The following MGST1 variants were observed in gnomAD, a reference collection of about 807,000 sequenced individuals.
MGST1 encodes the protein glutathione S-transferase 12.
Under a neutral mutation model 8.9 loss-of-function variants are expected in MGST1, and 5 were observed. The observed-to-expected ratio is 0.56, with a 90% CI of 0.29 to 1.19. The LOEUF is 1.19. MGST1 is among the 50% of genes most tolerant of loss of function. The pLI is 0.08. For missense variants in MGST1, 182 were observed against 187.4 expected (o/e 0.97, Z 0.17); for synonymous variants, 54 against 67.8 (o/e 0.80, Z 1.00).
intron 1 of MGST1, chr12:16,402,012 A>G: frequency 6.2e-7 from 1 of 1,607,294 alleles, no homozygotes; most frequent in Non-Finnish European, 8.5e-7. Flanking sequence ...GTCTTTGCTG[A>G]ACACTCCAAT....
chr12:16,573,025 G>GT (rs1172954589), intron 4 of MGST1, among the ~76,000 whole-genome samples: 1 of 151,582 alleles, frequency 6.6e-6, no homozygotes, highest in Non-Finnish European at 1.5e-5. Context: ...AAATTTTCCT[G>GT]TTTTTATTAT....
At chr12:16,510,065 T>A (rs1006486969) in intron 4 of MGST1, among the ~76,000 whole-genome samples, 2 of 152,236 alleles carry the variant, frequency 1.3e-5, no homozygotes, top group East Asian at 3.9e-4. Flanking sequence ...CTTAGTAAAT[T>A]TTAGTTGTTA....
At chr12:16,573,185 G>A (rs1050147576) in intron 4 of MGST1, among the ~76,000 whole-genome samples, 75 of 151,714 alleles carry the variant, frequency 4.9e-4, no homozygotes, top group African/African-American at 1.7e-3. Context: ...TAAGTGCCCC[G>A]GACAAAAACC....
chr12:16,400,025 T>A, intron 1 of MGST1: 1 of 1,567,990 alleles, frequency 6.4e-7, no homozygotes, highest in Admixed American at 1.7e-5. Flanking sequence ...CCCAAGTCCC[T>A]AAAAGGCACT....
In MGST1 at chr12:16,362,818, G is replaced by A. The variant is rs952222747; in HGVS notation, c.222-977G>A. On this transcript the variant is annotated intron_variant, in intron 3 of 3. Transcript: ENST00000396210. The surrounding 1 kb of genome is among the most constrained non-coding windows in gnomAD (Gnocchi z 4.4). ...TTTAAAAAATTAGCCAGGCATGGTG[G>A]TGAGGCCTGTAGTCCCAGCTACTCA... is the stretch of plus-strand genomic sequence containing the variant. 4 of 152,122 alleles carry A rather than the reference G, an allele frequency of 2.6e-5. No individual in the cohort carries two copies. Among genetic ancestry groups the A allele is most frequent in the Non-Finnish European group, 5.9e-5 (4 of 68,108 alleles). 9.4% of individuals were successfully genotyped at this position (152,122 alleles called of 1,614,324 possible).
intron 1 of MGST1, among the ~76,000 whole-genome samples, chr12:16,411,937 A>G (rs568701635): frequency 2.6e-5 from 4 of 152,278 alleles, no homozygotes; most frequent in Non-Finnish European, 5.9e-5. Context: ...GTCAAATGAA[A>G]TTAATAATAA....
rs11056944 is a variant in MGST1, at chr12:16,444,318, C to T, written n.482+60714C>T. On this transcript the variant is annotated intron_variant and non_coding_transcript_variant, in intron 4 of 4. Coordinates refer to the MGST1 transcript ENST00000538857. ...ATATATCCACACACATGCCTTTACT[C>T]CAGACTACTTTGTCTCTGATCTTCC... 9.5e-3 allele frequency among the ~76,000 whole-genome samples: 1,434 copies of T among 151,180 alleles called. 84 individuals are homozygous for T. In the East Asian group the frequency reaches 0.17, roughly 18 times the overall value.
At position 16,363,869 on chromosome 12, in the gene MGST1, A is replaced by G; in HGVS notation, c.296A>G (p.Asp99Gly). 1 of 1,613,786 alleles carries G rather than the reference A, an allele frequency of 6.2e-7. No homozygotes were observed. Among genetic ancestry groups the G allele is most frequent in the East Asian group, 2.2e-5 (1 of 44,868 alleles). The change falls in exon 4 of 4, where the codon GAC becomes GGC. Residue 99 changes from aspartate (D) to glycine (G), a missense_variant. Coordinates refer to ENST00000396210, the MANE Select transcript of MGST1 (RefSeq NM_020300.5). The surrounding 1 kb of genome is among the most constrained non-coding windows in gnomAD (Gnocchi z 4.6). ...CTCCTGTATTCCTTGAGTGGTCCCG[A>G]CCCCTCTACAGCCATCCTGCACTTC... ...IGLLYSLSGPDPSTAILHFRL... is the reference protein window; with the variant it reads ...IGLLYSLSGPGPSTAILHFRL...
chr12:16,520,231 C>T (rs1475607236), intron 4 of MGST1, among the ~76,000 whole-genome samples: 1 of 151,834 alleles, frequency 6.6e-6, no homozygotes, highest in Non-Finnish European at 1.5e-5. Flanking sequence ...CCATGTGACA[C>T]ATAAGAAATT....
chr12:16,524,170 TA>T (rs1941666845), intron 4 of MGST1, among the ~76,000 whole-genome samples: 1 of 152,042 alleles, frequency 6.6e-6, no homozygotes, highest in Admixed American at 6.6e-5. Flanking sequence ...GTCAGCATTT[TA>T]AAAAATGAGG....
rs1470223855 is a variant in MGST1, at chr12:16,503,948, GTATGCTGCTGCCC to G, written n.483-85568_483-85556del. 1.3e-5 allele frequency among the ~76,000 whole-genome samples: 2 copies of G among 152,208 alleles called. No homozygotes were observed. The highest frequency in any genetic ancestry group is 4.8e-5 in the African/African-American group (2 of 41,464). On this transcript the variant is annotated intron_variant and non_coding_transcript_variant, in intron 4 of 4. Transcript: ENST00000538857. The surrounding 1 kb of genome is among the most constrained non-coding windows in gnomAD (Gnocchi z 4.8). ...AAGGCACAGTACCTCCGGTGCTGCTGTATGCTGCTGCCCTATGCTGCTGCTTCGATAAAAGGTG... is the reference window on the plus strand; with the variant it reads ...AAGGCACAGTACCTCCGGTGCTGCTGTATGCTGCTGCTTCGATAAAAGGTG...
chr12:16,461,929 C>G (rs1413906611), intron 4 of MGST1, among the ~76,000 whole-genome samples: 1 of 152,024 alleles, frequency 6.6e-6, no homozygotes. Context: ...AATAGCTATT[C>G]CTAACAATAA....
rs1418454056 is a variant in MGST1, at chr12:16,500,825, G to T, written n.483-88703G>T. 6.6e-6 allele frequency among the ~76,000 whole-genome samples: 1 copy of T among 152,184 alleles called. No homozygotes were observed. The highest frequency in any genetic ancestry group is 6.5e-5 in the Admixed American group (1 of 15,278). ...TTGTTCAATGAAAATGTACTTAGAGGTTGGGCGTGGTGGCTCACGCCTGTA... is the reference window on the plus strand; with the variant it reads ...TTGTTCAATGAAAATGTACTTAGAGTTTGGGCGTGGTGGCTCACGCCTGTA... On this transcript the variant is annotated intron_variant and non_coding_transcript_variant, in intron 4 of 4. Transcript: ENST00000538857. This position sits in a 1 kb window ranked among gnomAD's most constrained non-coding sequence, Gnocchi z 4.3.
At chr12:16,360,343 C>T (rs1447105053) in intron 3 of MGST1, 2 of 985,094 alleles carry the variant, frequency 2.0e-6, no homozygotes, top group Non-Finnish European at 2.4e-6. Flanking sequence ...ACGGCAGAGC[C>T]AGAATGGGGC....
chr12:16,487,346 A>C (rs1181565802), intron 4 of MGST1, among the ~76,000 whole-genome samples: 1 of 152,224 alleles, frequency 6.6e-6, no homozygotes, highest in Non-Finnish European at 1.5e-5. Flanking sequence ...TCTACAAAAT[A>C]TTCTGGGAAG....
chr12:16,420,440 G>A (rs1237938307), intron 1 of MGST1, among the ~76,000 whole-genome samples: 1 of 152,152 alleles, frequency 6.6e-6, no homozygotes, highest in African/African-American at 2.4e-5. Context: ...TTTAAATATA[G>A]ATTAAAAAAA....
At chr12:16,429,124 A>G (rs1940918407) in intron 1 of MGST1, among the ~76,000 whole-genome samples, 2 of 152,038 alleles carry the variant, frequency 1.3e-5, no homozygotes, top group South Asian at 4.1e-4. Flanking sequence ...TTCTGAATTT[A>G]TTTATCTTAT....
At position 16,410,265 on chromosome 12, in the gene MGST1, A is replaced by T. The variant is rs1022632700; in HGVS notation, n.778+26661A>T. On this transcript the variant is annotated intron_variant and non_coding_transcript_variant, in intron 1 of 1. Coordinates refer to the MGST1 transcript ENST00000359720. The surrounding 1 kb of genome is among the most constrained non-coding windows in gnomAD (Gnocchi z 4.4). ...TGATTTACCATATTTAAAATCTATCATTTTAATTATTTTAATGGAAGGGTT... is the reference window on the plus strand; with the variant it reads ...TGATTTACCATATTTAAAATCTATCTTTTTAATTATTTTAATGGAAGGGTT... Among the ~76,000 whole-genome samples the T allele has an allele frequency of 3.9e-5, 6 of 152,094 alleles. No homozygotes were observed. The highest frequency in any genetic ancestry group is 8.8e-5 in the Non-Finnish European group (6 of 68,010).
In MGST1 at chr12:16,513,369, C is replaced by T; in HGVS notation, n.483-76159C>T. 5.5e-6 allele frequency: 2 copies of T among 362,750 alleles called. No homozygotes were observed. Among genetic ancestry groups the T allele is most frequent in the East Asian group, 1.5e-4 (2 of 13,666 alleles). 22.5% of individuals were successfully genotyped at this position (362,750 alleles called of 1,614,324 possible). A position where few individuals can be genotyped will look rare whatever the true frequency, so the allele number is the denominator to read the frequency against. ...GCCCTCTGCTCCGTCCTGCGTCTGC[C>T]CACTGCCCTCCTACCGTCCACCATG... On this transcript the variant is annotated intron_variant and non_coding_transcript_variant, in intron 4 of 4. Transcript: ENST00000538857. This position sits in a 1 kb window ranked among gnomAD's most constrained non-coding sequence, Gnocchi z 4.2.
Sources: allele counts gnomAD v4.1 joint callset (sites outside exome capture counted in the v4.1 genomes callset), GRCh38; gene constraint gnomAD v4.1.1; non-coding constraint Gnocchi (gnomAD v3.1); transcripts MANE v1.5; gene names NCBI Gene and HGNC (gene_info 2026-07-23, HGNC 2026-07-21).